The following PRKG1 variants were observed in gnomAD, a reference collection of about 807,000 sequenced individuals.
The protein encoded by PRKG1 is cGMP-dependent protein kinase 1.
A neutral mutation model predicts 88.1 loss-of-function variants in PRKG1; 35 were observed. That is an observed-to-expected ratio of 0.40 (90% CI 0.30 to 0.53). The LOEUF (loss-of-function observed/expected upper bound fraction) is 0.53. Ranked by LOEUF, PRKG1 falls within the 20% of genes least tolerant of loss-of-function variation. The pLI is 0.59. For synonymous variants in PRKG1, 303 were observed against 292.5 expected (o/e 1.04, Z -0.37); for missense variants, 540 against 839.8 (o/e 0.64, Z 4.41).
At chr10:51,917,962 A>G (rs891140139) in intron 5 of PRKG1, among the ~76,000 whole-genome samples, 3 of 152,226 alleles carry the variant, frequency 2.0e-5, no homozygotes, top group African/African-American at 4.8e-5. Flanking sequence ...GCAAAACTAT[A>G]TTCATATTTC....
chr10:51,363,071 A>T (rs1277566247), intron 2 of PRKG1, among the ~76,000 whole-genome samples: 2 of 151,918 alleles, frequency 1.3e-5, no homozygotes. Context: ...TTAGAGTTTG[A>T]TTCAAAAGAT....
intron 4 of PRKG1, among the ~76,000 whole-genome samples, chr10:51,906,203 T>G (rs1842082251): frequency 6.6e-6 from 1 of 152,108 alleles, no homozygotes; most frequent in African/African-American, 2.4e-5. Context: ...GAAATAGAGC[T>G]TGAAGGAACC....
chr10:51,907,376 ATTT>A, intron 4 of PRKG1, 128 bp from the exon 5 acceptor site: 52 of 533,454 alleles, frequency 9.7e-5, no homozygotes, highest in East Asian at 2.2e-4. Flanking sequence ...TGGCTAATGC[ATTT>A]TTTTTTTTTT....
chr10:52,191,000 CATTTTTCA>C (rs1839348462), intron 9 of PRKG1, among the ~76,000 whole-genome samples: 1 of 152,140 alleles, frequency 6.6e-6, no homozygotes, highest in African/African-American at 2.4e-5. Flanking sequence ...AATGAGTAGT[CATTTTTCA>C]ATTTTCCTCA....
intron 3 of PRKG1, among the ~76,000 whole-genome samples, chr10:51,681,756 A>G (rs1840856097): frequency 6.6e-6 from 1 of 152,200 alleles, no homozygotes; most frequent in Non-Finnish European, 1.5e-5. Flanking sequence ...ATTTATAGGT[A>G]AAACACAAAG....
intron 1 of PRKG1, among the ~76,000 whole-genome samples, chr10:51,147,019 T>A (rs1020306833): frequency 6.6e-6 from 1 of 152,100 alleles, no homozygotes; most frequent in African/African-American, 2.4e-5. Context: ...TGGAGGACAT[T>A]GTGTTAAGTG....
chr10:52,108,128 A>T (rs1564471942), intron 7 of PRKG1, among the ~76,000 whole-genome samples: 2 of 152,236 alleles, frequency 1.3e-5, no homozygotes, highest in Non-Finnish European at 2.9e-5. Context: ...TGACAGCCTG[A>T]TATCTCAAAA....
At chr10:52,044,004 G>A (rs1361598098) in intron 5 of PRKG1, among the ~76,000 whole-genome samples, 2 of 151,502 alleles carry the variant, frequency 1.3e-5, no homozygotes, top group African/African-American at 4.8e-5. Context: ...GATTCAGATA[G>A]TCCAGGCAGC....
At chr10:51,000,316 A>G (rs535468323) in intron 1 of PRKG1, among the ~76,000 whole-genome samples, 1 of 152,358 alleles carries the variant, frequency 6.6e-6, no homozygotes, top group Non-Finnish European at 1.5e-5. Context: ...GATTACAAAT[A>G]CATGGCAGGA....
At chr10:52,077,268 C>T (rs1846652665) in intron 7 of PRKG1, among the ~76,000 whole-genome samples, 1 of 151,760 alleles carries the variant, frequency 6.6e-6, no homozygotes, top group African/African-American at 2.4e-5. Flanking sequence ...AGATTAGTAT[C>T]AAAATAATTA....
intron 7 of PRKG1, among the ~76,000 whole-genome samples, chr10:52,118,737 A>G (rs1471094775): frequency 6.6e-6 from 1 of 152,044 alleles, no homozygotes; most frequent in Non-Finnish European, 1.5e-5. Context: ...CACAGTTAAT[A>G]TTTAGTGTGA....
chr10:52,082,155 A>T (rs1380167778), intron 7 of PRKG1, among the ~76,000 whole-genome samples: 1 of 152,120 alleles, frequency 6.6e-6, no homozygotes, highest in Admixed American at 6.6e-5. Context: ...AATAAATCAC[A>T]TCTTGTGACA....
intron 5 of PRKG1, among the ~76,000 whole-genome samples, chr10:51,953,822 A>G (rs1183885879): frequency 2.0e-5 from 3 of 151,996 alleles, no homozygotes; most frequent in Admixed American, 6.6e-5. Context: ...TATCCTCTAT[A>G]TTATTCAAAC....
intron 2 of PRKG1, among the ~76,000 whole-genome samples, chr10:51,444,905 G>A (rs1017703441): frequency 1.3e-4 from 19 of 151,960 alleles, no homozygotes; most frequent in African/African-American, 2.9e-4. Flanking sequence ...AGAACTGAGC[G>A]GGCGGAATCT....
At chr10:51,116,122 A>G (rs1370982564) in intron 1 of PRKG1, among the ~76,000 whole-genome samples, 1 of 152,192 alleles carries the variant, frequency 6.6e-6, no homozygotes, top group African/African-American at 2.4e-5. Context: ...GAGAAAGGTG[A>G]GTAATTTGCT....
At chr10:51,737,512 A>G (rs1361225261) in intron 3 of PRKG1, among the ~76,000 whole-genome samples, 2 of 152,042 alleles carry the variant, frequency 1.3e-5, no homozygotes, top group African/African-American at 4.8e-5. Context: ...CCCATTACAT[A>G]AAGGGGTAGG....
intron 3 of PRKG1, among the ~76,000 whole-genome samples, chr10:51,542,751 G>A (rs1842339208): frequency 6.6e-6 from 1 of 152,098 alleles, no homozygotes; most frequent in Non-Finnish European, 1.5e-5. Flanking sequence ...TACCACAGTG[G>A]GAAATAGAAA....
In PRKG1 at chr10:52,271,313, A is replaced by G. The variant is rs758746896; in HGVS notation, c.1174-37A>G. On this transcript the variant is annotated intron_variant, in intron 10 of 17. Transcript: ENST00000373980. The stretch of plus-strand genomic sequence containing the variant: ...GATAATAATGCACTCTTACAAGTCT[A>G]TGGGCTTTTTCTTACTCTCTTCTCT... 8.7e-6 allele frequency: 14 copies of G among 1,600,622 alleles called. No homozygotes were observed. In the Admixed American group the frequency reaches 1.7e-4, roughly 19 times the overall value.
intron 10 of PRKG1, among the ~76,000 whole-genome samples, chr10:52,260,640 T>C (rs966447550): frequency 3.3e-5 from 5 of 152,162 alleles, no homozygotes; most frequent in Admixed American, 3.3e-4. Context: ...CTGATACACA[T>C]AGTATTTCCT....
Sources: allele counts gnomAD v4.1 joint callset (sites outside exome capture counted in the v4.1 genomes callset), GRCh38; gene constraint gnomAD v4.1.1; transcripts MANE v1.5; gene names NCBI Gene and HGNC (gene_info 2026-07-23, HGNC 2026-07-21).